GARNL3: variants seen among roughly 807,000 people sequenced by gnomAD.
The protein encoded by GARNL3 is GTPase-activating Rap/Ran-GAP domain-like protein 3.
GARNL3 carries 63 observed loss-of-function variants against 125.0 expected under a neutral mutation model. The observed-to-expected ratio is 0.50, with a 90% CI of 0.41 to 0.62. The LOEUF is 0.62. GARNL3 is among the 20% of genes least tolerant of loss of function. GARNL3 has a pLI of 0.00. For synonymous variants in GARNL3, 439 were observed against 457.5 expected, an observed-to-expected ratio of 0.96 and a Z score of 0.52; for missense variants, 994 against 1,244.0, an observed-to-expected ratio of 0.80 and a Z score of 3.02.
intron 1 of GARNL3, among the ~76,000 whole-genome samples, chr9:127,232,109 C>T (rs1478115470): frequency 6.6e-6 from 1 of 152,184 alleles, no homozygotes; most frequent in Non-Finnish European, 1.5e-5. Context: ...TTAGCTTTCC[C>T]TGAGAGTGAA....
intron 22 of GARNL3, among the ~76,000 whole-genome samples, chr9:127,373,322 C>A (rs761943796): frequency 6.6e-6 from 1 of 152,132 alleles, no homozygotes; most frequent in Non-Finnish European, 1.5e-5. Flanking sequence ...ATCAGGTGGC[C>A]TACATGAGCT....
rs1463251898 is a variant in GARNL3, at chr9:127,320,700, T to G, written c.504-15T>G. The G allele has an allele frequency of 1.9e-6, 3 of 1,601,128 alleles. No individual in the cohort carries two copies. In the East Asian group the frequency reaches 6.7e-5, roughly 36 times the overall value. On this transcript the variant is annotated splice_polypyrimidine_tract_variant and intron_variant, in intron 5 of 27. Coordinates refer to ENST00000373387, the MANE Select transcript of GARNL3 (RefSeq NM_032293.5). Reference sequence around the variant, plus strand: ...TTCTCTGATGCTGCAGCTCATCCTGTCCATTCTATTTCAGTGCCATGAATC... The same window carrying G: ...TTCTCTGATGCTGCAGCTCATCCTGGCCATTCTATTTCAGTGCCATGAATC...
chr9:127,332,898 C>A (rs907210181), intron 8 of GARNL3, 125 bp from the exon 9 acceptor site: 2 of 719,278 alleles, frequency 2.8e-6, no homozygotes, highest in African/African-American at 3.5e-5. Flanking sequence ...ATGTGACTTA[C>A]CCATGCTGTT....
intron 22 of GARNL3, among the ~76,000 whole-genome samples, chr9:127,380,333 A>G (rs1216352703): frequency 1.3e-5 from 2 of 152,146 alleles, no homozygotes; most frequent in African/African-American, 2.4e-5. Flanking sequence ...ACAACAAAAC[A>G]CAGAAAAAAA....
intron 2 of GARNL3, among the ~76,000 whole-genome samples, chr9:127,305,076 G>A (rs184661759): frequency 1.3e-5 from 2 of 152,306 alleles, no homozygotes; most frequent in Admixed American, 6.5e-5. Context: ...CAGGTAAAAC[G>A]AATCCATGGT....
chr9:127,365,284 C>T lies in GARNL3; in HGVS notation c.2095-16C>T. ...GCATCCAGCCTGCCCACTACCGTTG[C>T]CCGTTATCATTGCAGGTTAATTTTG... On this transcript the variant is annotated splice_polypyrimidine_tract_variant and intron_variant, in intron 21 of 27. Coordinates refer to ENST00000373387, the MANE Select transcript of GARNL3 (RefSeq NM_032293.5). The T allele has an allele frequency of 1.2e-6, 2 of 1,610,432 alleles. No individual in the cohort carries two copies. The highest frequency in any genetic ancestry group is 1.7e-6 in the Non-Finnish European group (2 of 1,176,676).
In GARNL3 at chr9:127,393,086, C is replaced by T; in HGVS notation, c.2874C>T (p.Ile958=). The change falls in exon 28 of 28, where the codon ATC becomes ATT. Residue 958 remains isoleucine, a synonymous_variant. Coordinates refer to ENST00000373387, the MANE Select transcript of GARNL3 (RefSeq NM_032293.5). ...TACAGTGACTTTTCTCTTCTAGGAT[C>T]CCATCAGGCTCCTTGGAAAGTGCTT... The part of the protein sequence containing the change: ...GAVRSSSSDR[I]PSGSLESAST... 6.3e-7 allele frequency: 1 copy of T among 1,593,186 alleles called. No homozygotes were observed. The highest frequency in any genetic ancestry group is 1.1e-5 in the South Asian group (1 of 90,572).
chr9:127,305,198 A>T (rs1472361948), intron 2 of GARNL3, among the ~76,000 whole-genome samples: 1 of 151,808 alleles, frequency 6.6e-6, no homozygotes, highest in Admixed American at 6.6e-5. Flanking sequence ...TGATCTAGGT[A>T]ATGGTTATGA....
chr9:127,231,221 ATTTTTTGTT>A (rs1226392305), intron 1 of GARNL3, among the ~76,000 whole-genome samples: 1 of 66,092 alleles, frequency 1.5e-5, no homozygotes, highest in African/African-American at 5.5e-5. Flanking sequence ...CGCCCAGCTA[ATTTTTTGTT>A]TTTTTTTTTT....
intron 2 of GARNL3, among the ~76,000 whole-genome samples, chr9:127,294,588 C>T (rs1167097712): frequency 3.3e-5 from 5 of 152,180 alleles, no homozygotes; most frequent in East Asian, 1.9e-4. Context: ...AGGCATGAGC[C>T]GCTGCGCCCG....
chr9:127,268,359 G>A (rs930643080), intron 1 of GARNL3, among the ~76,000 whole-genome samples: 7 of 152,082 alleles, frequency 4.6e-5, no homozygotes, highest in African/African-American at 1.7e-4. Flanking sequence ...GTGCAGCTGC[G>A]CCTCATGTGA....
chr9:127,362,196 A>G lies in GARNL3; in HGVS notation c.2095-3104A>G, dbSNP rs531505275. ...AGCGATTCTCCTGCCTCAGCCTCCC[A>G]AGTAACTGGGATTAGGTGCCCACCA... On this transcript the variant is annotated intron_variant, in intron 21 of 27. Transcript: ENST00000373387. 739 of 147,598 alleles carry G rather than the reference A, an allele frequency of 5.0e-3. 2 individuals are homozygous for G. The highest frequency in any genetic ancestry group is 8.0e-3 in the Non-Finnish European group (540 of 67,404). The allele number at this position is 147,598 out of a possible 1,614,324, so 9.1% of individuals were successfully genotyped here. A position where few individuals can be genotyped will look rare whatever the true frequency, so the allele number is the denominator to read the frequency against.
rs1486547111 is a variant in GARNL3 at position 127,390,643 on chromosome 9, C to G, written c.2746C>G (p.Leu916Val). The G allele has an allele frequency of 1.2e-6, 2 of 1,613,846 alleles. No individual in the cohort carries two copies. Among genetic ancestry groups the G allele is most frequent in the East Asian group, 4.5e-5 (2 of 44,870 alleles). ...CTGACCTATGATTCTCAATCCAGGC[C>G]TCTCGGATGAAGGTGGACCCAAGTC... ...ASRTRRELLG[L>V]SDEGGPKSEG... Residue 916 changes from leucine (L) to valine (V), a missense_variant and splice_region_variant, in exon 27 of 28, where the codon CTC becomes GTC. Leu to Val is a conservative substitution (Grantham distance 32, BLOSUM62 1). This residue lies in a region of GARNL3 where 728 missense variants were observed against 865.7 expected (regional missense o/e 0.84). Transcript: ENST00000373387.
intron 21 of GARNL3, among the ~76,000 whole-genome samples, chr9:127,361,541 T>A (rs1017628584): frequency 1.3e-5 from 2 of 152,214 alleles, no homozygotes; most frequent in Non-Finnish European, 2.9e-5. Context: ...CAGACACCTA[T>A]ATCAAAGCAT....
chr9:127,387,216 T>G lies in GARNL3; in HGVS notation c.2412T>G (p.Thr804=), dbSNP rs376979492. The change falls in exon 25 of 28, where the codon ACT becomes ACG. Residue 804 remains threonine, a synonymous_variant. Coordinates refer to ENST00000373387, the MANE Select transcript of GARNL3 (RefSeq NM_032293.5). ...AGTCGGATATATACTTCACAGCAACTGCAGCTGTGAATGAGGTCTCATCTG... is the reference window on the plus strand; with the variant it reads ...AGTCGGATATATACTTCACAGCAACGGCAGCTGTGAATGAGGTCTCATCTG... ...ASRSDIYFTA[T]AAVNEVSSGG... 13 of 1,613,610 alleles carry G rather than the reference T, an allele frequency of 8.1e-6. No individual in the cohort carries two copies. The highest frequency in any genetic ancestry group is 1.1e-5 in the Non-Finnish European group (13 of 1,179,866).
intron 21 of GARNL3, among the ~76,000 whole-genome samples, chr9:127,359,104 G>A (rs1423001286): frequency 5.4e-5 from 7 of 129,074 alleles, no homozygotes; most frequent in Admixed American, 7.8e-5. Flanking sequence ...CCCCCCACCC[G>A]CCGCCCCCCA....
intron 1 of GARNL3, among the ~76,000 whole-genome samples, chr9:127,226,656 G>A (rs1564832323): frequency 6.6e-6 from 1 of 151,940 alleles, no homozygotes; most frequent in Non-Finnish European, 1.5e-5. Flanking sequence ...CTCCTCCTTC[G>A]GAAGTCTTCC....
chr9:127,233,789 A>T (rs956667835), intron 1 of GARNL3, among the ~76,000 whole-genome samples: 1 of 152,178 alleles, frequency 6.6e-6, no homozygotes, highest in African/African-American at 2.4e-5. Context: ...TTGTTCCTGA[A>T]TGTTGCTTTC....
At chr9:127,252,833 T>C (rs2063429780) in intron 2 of GARNL3, among the ~76,000 whole-genome samples, 1 of 152,232 alleles carries the variant, frequency 6.6e-6, no homozygotes, top group Admixed American at 6.5e-5. Flanking sequence ...TTTTTTAATG[T>C]TATGGTGTCA....
Sources: allele counts gnomAD v4.1 joint callset (sites outside exome capture counted in the v4.1 genomes callset), GRCh38; gene constraint gnomAD v4.1.1; regional missense constraint gnomAD v4.1.1; transcripts MANE v1.5; gene names NCBI Gene and HGNC (gene_info 2026-07-23, HGNC 2026-07-21).